ZNF215: variants seen among roughly 807,000 people sequenced by gnomAD.
The protein encoded by ZNF215 is zinc finger protein 215, also known as BWSCR2-associated zinc finger protein 2.
A neutral mutation model predicts 27.2 loss-of-function variants in ZNF215; 24 were observed. The ratio of observed to expected loss-of-function variants is 0.88; its 90% confidence interval spans 0.64 to 1.24. The LOEUF is 1.24. Among genes scored for constraint, ZNF215 ranks in the 50% most tolerant of loss-of-function variants. ZNF215 has a pLI of 0.00. For synonymous variants in ZNF215, 210 were observed against 204.0 expected, an observed-to-expected ratio of 1.03 and a Z score of -0.25; for missense variants, 675 against 605.7, an observed-to-expected ratio of 1.11 and a Z score of -1.20.
intron 6 of ZNF215, among the ~76,000 whole-genome samples, chr11:6,952,312 C>G (rs1346337794): frequency 6.6e-6 from 1 of 152,130 alleles, no homozygotes; most frequent in East Asian, 1.9e-4. Flanking sequence ...TCTTGTTGAT[C>G]TATCTAATGT....
intron 2 of ZNF215, among the ~76,000 whole-genome samples, chr11:6,928,693 GT>G (rs1026400988): frequency 6.6e-6 from 1 of 152,010 alleles, no homozygotes; most frequent in Non-Finnish European, 1.5e-5. Context: ...AGCCTTTTCT[GT>G]TTTGTCTTTG....
chr11:6,948,307 G>C (rs1327941106), intron 6 of ZNF215, among the ~76,000 whole-genome samples: 3 of 152,184 alleles, frequency 2.0e-5, no homozygotes. Context: ...ATTAGGTCCA[G>C]GTTTAGAAGA....
chr11:6,932,096 G>T lies in ZNF215; in HGVS notation c.-177G>T. 1.6e-6 allele frequency: 1 copy of T among 630,734 alleles called. No individual in the cohort carries two copies. Among genetic ancestry groups the T allele is most frequent in the Non-Finnish European group, 2.6e-6 (1 of 389,100 alleles). The allele number at this position is 630,734 out of a possible 1,614,324, so 39.1% of individuals were successfully genotyped here. ...GGTTAATTTCTATCTTTTTTCAGTT[G>T]CTCAGGTACCTGAATATTGGCTTTG... On this transcript the variant is annotated splice_region_variant and 5_prime_UTR_variant, in exon 3 of 7. Coordinates refer to ENST00000278319, the MANE Select transcript of ZNF215 (RefSeq NM_013250.4).
chr11:6,980,681 C>T (rs1850931266), intron 5 of ZNF215, among the ~76,000 whole-genome samples: 1 of 151,300 alleles, frequency 6.6e-6, no homozygotes, highest in Admixed American at 6.6e-5. Context: ...CATATGTATA[C>T]ATGTGCCATG....
At chr11:6,966,034 A>T (rs980514141) in intron 5 of ZNF215, among the ~76,000 whole-genome samples, 3 of 152,158 alleles carry the variant, frequency 2.0e-5, no homozygotes, top group Non-Finnish European at 4.4e-5. Context: ...TGAAGTCTTT[A>T]GGCTTTGAGC....
intron 2 of ZNF215, among the ~76,000 whole-genome samples, chr11:6,928,075 G>A (rs572864184): frequency 3.3e-5 from 5 of 152,136 alleles, no homozygotes; most frequent in African/African-American, 1.2e-4. Flanking sequence ...TAAAGTAGGT[G>A]AAATTGTTTT....
downstream of ZNF215, chr11:6,984,714 A>G (rs1851027203): frequency 6.6e-6 from 1 of 152,208 alleles, no homozygotes; most frequent in Admixed American, 6.5e-5. Context: ...TTTGAAAACT[A>G]AGATATAAAT....
At chr11:6,954,816 G>A (rs1032296675) in intron 6 of ZNF215, among the ~76,000 whole-genome samples, 3 of 152,168 alleles carry the variant, frequency 2.0e-5, no homozygotes, top group Admixed American at 6.5e-5. Context: ...GAAGTCACCC[G>A]TCTTCTGCGT....
At chr11:6,929,839 G>C (rs192722709) in intron 2 of ZNF215, among the ~76,000 whole-genome samples, 1 of 150,814 alleles carries the variant, frequency 6.6e-6, no homozygotes, top group Admixed American at 6.6e-5. Flanking sequence ...CCATACTCAA[G>C]GGGTGGGGAG....
chr11:6,956,155 C>T lies in ZNF215; in HGVS notation c.1178C>T (p.Ser393Phe). 1 of 1,613,734 alleles carries T rather than the reference C, an allele frequency of 6.2e-7. No individual in the cohort carries two copies. Among genetic ancestry groups the T allele is most frequent in the East Asian group, 2.2e-5 (1 of 44,872 alleles). ...GGGAAAGCCTTCTGCCGAAGTTCAT[C>T]CCTTATTCGACATCAGATCATTCAC... Reference protein sequence around the residue: ...QCGKAFCRSSSLIRHQIIHTG... With the variant: ...QCGKAFCRSSFLIRHQIIHTG... Residue 393 changes from serine to phenylalanine, a missense_variant, in exon 7 of 7, where the codon TCC becomes TTC. Physicochemically the swap from Ser to Phe is radical, Grantham distance 155. Coordinates refer to ENST00000278319, the MANE Select transcript of ZNF215 (RefSeq NM_013250.4).
chr11:6,975,237 A>G (rs1850806309), intron 5 of ZNF215, among the ~76,000 whole-genome samples: 1 of 152,056 alleles, frequency 6.6e-6, no homozygotes, highest in African/African-American at 2.4e-5. Flanking sequence ...CTTCCCAGGG[A>G]TGAAGCCCAC....
intron 6 of ZNF215, among the ~76,000 whole-genome samples, chr11:6,950,512 C>G (rs1279307182): frequency 2.0e-5 from 3 of 151,968 alleles, no homozygotes; most frequent in Non-Finnish European, 2.9e-5. Context: ...TGGGAGTTCA[C>G]TCATGATTTG....
intron 6 of ZNF215, among the ~76,000 whole-genome samples, chr11:6,949,269 T>A (rs1849952625): frequency 6.6e-6 from 1 of 152,180 alleles, no homozygotes; most frequent in Non-Finnish European, 1.5e-5. Context: ...TTCCCAGTAA[T>A]GGGATGGCTG....
chr11:6,939,115 G>T (rs1849543866), intron 3 of ZNF215, among the ~76,000 whole-genome samples: 1 of 152,186 alleles, frequency 6.6e-6, no homozygotes, highest in African/African-American at 2.4e-5. Context: ...CTCATGGCAG[G>T]ATAGTTCTAA....
At chr11:6,935,369 A>AG (rs1432358852) in intron 3 of ZNF215, among the ~76,000 whole-genome samples, 1 of 152,242 alleles carries the variant, frequency 6.6e-6, no homozygotes, top group Non-Finnish European at 1.5e-5. Flanking sequence ...GCATCTGCAG[A>AG]GACCAGTTGA....
At chr11:6,991,770 ACTC>A (rs1284411223), downstream of ZNF215, among the ~76,000 whole-genome samples, 2 of 152,090 alleles carry the variant, frequency 1.3e-5, no homozygotes, top group Non-Finnish European at 2.9e-5. Context: ...ATTAATCATA[ACTC>A]CTCATTTGGT....
At chr11:6,954,569 T>C (rs1459274901) in intron 6 of ZNF215, among the ~76,000 whole-genome samples, 1 of 152,222 alleles carries the variant, frequency 6.6e-6, no homozygotes, top group Non-Finnish European at 1.5e-5. Flanking sequence ...TGGTGCGCCA[T>C]TTTTTAAGCC....
downstream of ZNF215, among the ~76,000 whole-genome samples, chr11:6,986,904 C>T (rs1482211556): frequency 6.6e-6 from 1 of 151,798 alleles, no homozygotes; most frequent in Non-Finnish European, 1.5e-5. Context: ...TGTTTCCCTG[C>T]AGAGAAAAGG....
At chr11:6,940,068 AAAG>A (rs1364277274) in intron 3 of ZNF215, among the ~76,000 whole-genome samples, 1 of 151,586 alleles carries the variant, frequency 6.6e-6, no homozygotes, top group Non-Finnish European at 1.5e-5. Context: ...AAAGAAAAAA[AAAG>A]AAAAAAAAAA....
Sources: gnomAD v4.1 joint callset for allele counts (sites outside exome capture counted in the v4.1 genomes callset) on GRCh38, gnomAD v4.1.1 for gene constraint, MANE v1.5 for transcripts, NCBI Gene and HGNC (gene_info 2026-07-23, HGNC 2026-07-21) for gene names.